The following YOD1 variants were observed in gnomAD, a reference collection of about 807,000 sequenced individuals.
The protein encoded by YOD1 is YOD1 deubiquitinase.
Under a neutral mutation model 23.7 loss-of-function variants are expected in YOD1, and 17 were observed. The observed-to-expected ratio is 0.72, with a 90% CI of 0.49 to 1.07. The LOEUF (loss-of-function observed/expected upper bound fraction) is 1.07. Ranked by LOEUF, YOD1 falls within the 50% of genes least tolerant of loss-of-function variation. The pLI, the probability that YOD1 is intolerant of heterozygous loss-of-function variation, is 0.00. For synonymous variants in YOD1, 191 were observed against 169.6 expected (o/e 1.13, Z -0.98); for missense variants, 413 against 447.2 (o/e 0.92, Z 0.69).
intron 1 of YOD1, among the ~76,000 whole-genome samples, chr1:207,050,338 G>A (rs1338661097): frequency 6.6e-6 from 1 of 152,150 alleles, no homozygotes; most frequent in African/African-American, 2.4e-5. Context: ...TCTCATCGGT[G>A]ATATAGGGAA....
rs1682608264 is a variant in YOD1, at chr1:207,046,757, T to C, written c.*2263A>G. ...AATATCAGTGTTCTATTCCTTTCCATTTGTTAAATTTACCCACTGTAGAAA... is the reference window on the plus strand; with the variant it reads ...AATATCAGTGTTCTATTCCTTTCCACTTGTTAAATTTACCCACTGTAGAAA... On this transcript the variant is annotated 3_prime_UTR_variant, in exon 2 of 2. Coordinates refer to ENST00000315927, the MANE Select transcript of YOD1 (RefSeq NM_018566.4). 6.6e-6 allele frequency: 1 copy of C among 152,126 alleles called. No individual in the cohort carries two copies. The highest frequency in any genetic ancestry group is 2.1e-4 in the South Asian group (1 of 4,834). The allele number at this position is 152,126 out of a possible 1,614,324, so 9.4% of individuals were successfully genotyped here. A position where few individuals can be genotyped will look rare whatever the true frequency, so the allele number is the denominator to read the frequency against.
At position 207,049,391 on chromosome 1, in the gene YOD1, A is replaced by G. The variant is rs141568066; in HGVS notation, c.676T>C (p.Ser226Pro). The G allele has an allele frequency of 1.8e-5, 29 of 1,614,008 alleles. No individual in the cohort carries two copies. The highest frequency in any genetic ancestry group is 6.6e-5 in the South Asian group (6 of 91,090). Reference protein sequence around the residue: ...DDTWGGAIEISILSKFYQCEI... With the variant: ...DDTWGGAIEIPILSKFYQCEI... Reference sequence around the variant, plus strand: ...CATTGGTAAAACTTGGACAAAATCGATATCTCTATTGCTCCTCCCCAAGTG... The same window carrying G: ...CATTGGTAAAACTTGGACAAAATCGGTATCTCTATTGCTCCTCCCCAAGTG... The change falls in exon 2 of 2, where the codon TCG (serine) becomes CCG (proline). Residue 226 changes from serine to proline, a missense_variant. Physicochemically the swap from Ser to Pro is moderately conservative, Grantham distance 74 (BLOSUM62 -1). Transcript: ENST00000315927.
In YOD1 at chr1:207,050,924, G is replaced by A. The variant is rs764493387; in HGVS notation, c.107C>T (p.Ala36Val). ...AAGTKAGPAG[A>V]WPVGSRTDTM... ...GTCGGTCCGGCTGCCCACAGGCCAGGCACCCGCGGGGCCAGCTTTGGTCCC... is the reference window on the plus strand; with the variant it reads ...GTCGGTCCGGCTGCCCACAGGCCAGACACCCGCGGGGCCAGCTTTGGTCCC... The change falls in exon 1 of 2, where the codon GCC (alanine) becomes GTC (valine). Residue 36 changes from alanine (A) to valine (V), a missense_variant. By Grantham distance (64) the Ala-to-Val change is moderately conservative (BLOSUM62 0). Coordinates refer to ENST00000315927, the MANE Select transcript of YOD1 (RefSeq NM_018566.4). 11 of 1,590,572 alleles carry A rather than the reference G, an allele frequency of 6.9e-6. No homozygotes were observed. The highest frequency in any genetic ancestry group is 3.4e-5 in the South Asian group (3 of 89,200).
chr1:207,052,139 C>A (rs772418774), upstream of YOD1: 1 of 1,588,728 alleles, frequency 6.3e-7, no homozygotes, highest in Non-Finnish European at 8.6e-7. Flanking sequence ...CAAACGGGCC[C>A]GCTGGGGCAA....
In YOD1 at chr1:207,044,010, A is replaced by G. The variant is rs1682533848; in HGVS notation, c.*5010T>C. 1 of 152,612 alleles carries G rather than the reference A, an allele frequency of 6.6e-6. No homozygotes were observed. Among genetic ancestry groups the G allele is most frequent in the African/African-American group, 2.4e-5 (1 of 41,464 alleles). The allele number at this position is 152,612 out of a possible 1,614,324, so 9.5% of individuals were successfully genotyped here. ...AGTTAGACATCTTCCAGGTAGCAGC[A>G]GTGTATTACTTCAAAAAATGCTGGC... On this transcript the variant is annotated 3_prime_UTR_variant, in exon 2 of 2. Transcript: ENST00000315927.
Position 207,049,272 on chromosome 1 carries a change from G to A in YOD1, c.795C>T (p.Gly265=), listed in dbSNP as rs115740223. The A allele has an allele frequency of 8.0e-5, 129 of 1,614,114 alleles. No homozygotes were observed. The East Asian group carries it at 2.8e-3, about 35-fold the overall frequency. Reference sequence around the variant, plus strand: ...TACGCTGAAGTGGATCATAGTGGATGCCATCATAAATAAGCAGAACCCTTT... The same window carrying A: ...TACGCTGAAGTGGATCATAGTGGATACCATCATAAATAAGCAGAACCCTTT... ...YTKRVLLIYD[G]IHYDPLQRNF... Residue 265 remains glycine (G), a synonymous_variant, in exon 2 of 2, where the codon GGC becomes GGT. Transcript: ENST00000315927.
chr1:207,044,831 T>G lies in YOD1; in HGVS notation c.*4189A>C, dbSNP rs1423240082. On this transcript the variant is annotated 3_prime_UTR_variant, in exon 2 of 2. Coordinates refer to ENST00000315927, the MANE Select transcript of YOD1 (RefSeq NM_018566.4). Reference sequence around the variant, plus strand: ...TCTTGGCCCTTTTCTCCCTTCACTCTACCATGAGGGGGTTACCAACCTCCT... The same window carrying G: ...TCTTGGCCCTTTTCTCCCTTCACTCGACCATGAGGGGGTTACCAACCTCCT... 1 of 152,522 alleles carries G rather than the reference T, an allele frequency of 6.6e-6. No individual in the cohort carries two copies. Among genetic ancestry groups the G allele is most frequent in the Non-Finnish European group, 1.5e-5 (1 of 67,938 alleles). The allele number at this position is 152,522 out of a possible 1,614,324, so 9.4% of individuals were successfully genotyped here. A position where few individuals can be genotyped will look rare whatever the true frequency, so the allele number is the denominator to read the frequency against.
chr1:207,052,241 C>T, upstream of YOD1: 2 of 1,611,702 alleles, frequency 1.2e-6, no homozygotes, highest in Non-Finnish European at 1.7e-6. Flanking sequence ...TCCATCTTTT[C>T]ACATCTTTCA....
chr1:207,052,090 CA>C (rs1253753101), upstream of YOD1: 25 of 1,025,364 alleles, frequency 2.4e-5, no homozygotes, highest in South Asian at 1.6e-4. Flanking sequence ...GGGATTCAGA[CA>C]GCAAGTCCCA....
In YOD1 at chr1:207,050,848, C is replaced by T; in HGVS notation, c.183G>A (p.Gln61=). The change falls in exon 1 of 2, where the codon CAG becomes CAA. Residue 61 remains glutamine, a synonymous_variant. Coordinates refer to ENST00000315927, the MANE Select transcript of YOD1 (RefSeq NM_018566.4). ...CKAKDGTHVL[Q]GLSSRTRVRE... ...GCACCCGGGTCCGGCTGGACAGCCCCTGCAAAACATGGGTGCCGTCCTTGG... is the reference window on the plus strand; with the variant it reads ...GCACCCGGGTCCGGCTGGACAGCCCTTGCAAAACATGGGTGCCGTCCTTGG... The T allele has an allele frequency of 6.2e-7, 1 of 1,612,920 alleles. No homozygotes were observed. The highest frequency in any genetic ancestry group is 8.5e-7 in the Non-Finnish European group (1 of 1,179,950).
Position 207,048,630 on chromosome 1 carries a change from T to C in YOD1, c.*390A>G, listed in dbSNP as rs1245841031. The C allele has an allele frequency of 5.5e-6, 1 of 181,206 alleles. No individual in the cohort carries two copies. Among genetic ancestry groups the C allele is most frequent in the African/African-American group, 2.4e-5 (1 of 41,322 alleles). The allele number at this position is 181,206 out of a possible 1,614,324, so 11.2% of individuals were successfully genotyped here. On this transcript the variant is annotated 3_prime_UTR_variant, in exon 2 of 2. Coordinates refer to ENST00000315927, the MANE Select transcript of YOD1 (RefSeq NM_018566.4). ...CTGGGTGCTAGTTTATAATACTCAA[T>C]CTCAATCGTATGCCCAGTGGACTCA...
At position 207,051,025 on chromosome 1, in the gene YOD1, A is replaced by G; in HGVS notation, c.6T>C (p.Phe2=). 6.6e-7 allele frequency: 1 copy of G among 1,505,576 alleles called. No homozygotes were observed. The highest frequency in any genetic ancestry group is 8.9e-7 in the Non-Finnish European group (1 of 1,127,580). 93.3% of individuals were successfully genotyped at this position (1,505,576 alleles called of 1,614,324 possible). Reference sequence around the variant, plus strand: ...CAAAATGGCGACCTTTAGCGGGGCCAAACATCGCGAGAAGTTGCGGGTGGT... The same window carrying G: ...CAAAATGGCGACCTTTAGCGGGGCCGAACATCGCGAGAAGTTGCGGGTGGT... M[F]GPAKGRHFGV... Residue 2 remains phenylalanine, a synonymous_variant, in exon 1 of 2, where the codon TTT becomes TTC. Coordinates refer to ENST00000315927, the MANE Select transcript of YOD1 (RefSeq NM_018566.4).
rs1682657674 is a variant in YOD1 at position 207,048,712 on chromosome 1, C to T, written c.*308G>A. ...TGCTTTCTTCTACAAGTTAAAGCTGCTGGGTGCTAGTTTATAATACTCAAT... is the reference window on the plus strand; with the variant it reads ...TGCTTTCTTCTACAAGTTAAAGCTGTTGGGTGCTAGTTTATAATACTCAAT... On this transcript the variant is annotated 3_prime_UTR_variant, in exon 2 of 2. Transcript: ENST00000315927. 3.6e-6 allele frequency: 1 copy of T among 279,088 alleles called. No homozygotes were observed. The highest frequency in any genetic ancestry group is 6.0e-5 in the South Asian group (1 of 16,654). The allele number at this position is 279,088 out of a possible 1,614,324, so 17.3% of individuals were successfully genotyped here. A position where few individuals can be genotyped will look rare whatever the true frequency, so the allele number is the denominator to read the frequency against.
chr1:207,050,419 G>A (rs549790504), intron 1 of YOD1, among the ~76,000 whole-genome samples: 31 of 152,282 alleles, frequency 2.0e-4, no homozygotes, highest in African/African-American at 5.8e-4. Context: ...AAACAAAATG[G>A]GATAGTTTCA....
chr1:207,052,480 G>T (rs890284998), upstream of YOD1, among the ~76,000 whole-genome samples: 1 of 152,122 alleles, frequency 6.6e-6, no homozygotes, highest in Non-Finnish European at 1.5e-5. Context: ...TCATCAATAT[G>T]GAGAAACCCC....
chr1:207,050,675 C>G lies in YOD1; in HGVS notation c.343+13G>C, dbSNP rs760096036. The G allele has an allele frequency of 6.2e-7, 1 of 1,612,778 alleles. No homozygotes were observed. The highest frequency in any genetic ancestry group is 1.3e-5 in the African/African-American group (1 of 74,928). On this transcript the variant is annotated intron_variant, in intron 1 of 1. Coordinates refer to ENST00000315927, the MANE Select transcript of YOD1 (RefSeq NM_018566.4). ...TCCCGGGACTTTCCCTGGCCCCAGCCCTGATTCCTTACCAGATTGGATGGG... is the reference window on the plus strand; with the variant it reads ...TCCCGGGACTTTCCCTGGCCCCAGCGCTGATTCCTTACCAGATTGGATGGG...
chr1:207,047,238 T>C lies in YOD1; in HGVS notation c.*1782A>G, dbSNP rs998983484. Reference sequence around the variant, plus strand: ...AGTAAAATAGAAAACTAAACACTTTTAAGTTATGCTGACCATAACAGCTTA... The same window carrying C: ...AGTAAAATAGAAAACTAAACACTTTCAAGTTATGCTGACCATAACAGCTTA... On this transcript the variant is annotated 3_prime_UTR_variant, in exon 2 of 2. Transcript: ENST00000315927. 3.9e-5 allele frequency: 6 copies of C among 152,556 alleles called. No individual in the cohort carries two copies. Among genetic ancestry groups the C allele is most frequent in the African/African-American group, 1.4e-4 (6 of 41,440 alleles). 9.5% of individuals were successfully genotyped at this position (152,556 alleles called of 1,614,324 possible). A position where few individuals can be genotyped will look rare whatever the true frequency, so the allele number is the denominator to read the frequency against.
rs991738064 is a variant in YOD1, at chr1:207,045,598, A to G, written c.*3422T>C. The G allele has an allele frequency of 4.8e-5, 6 of 125,840 alleles. No individual in the cohort carries two copies. Among genetic ancestry groups the G allele is most frequent in the Admixed American group, 4.5e-4 (6 of 13,272 alleles). The allele number at this position is 125,840 out of a possible 1,614,324, so 7.8% of individuals were successfully genotyped here. A position where few individuals can be genotyped will look rare whatever the true frequency, so the allele number is the denominator to read the frequency against. On this transcript the variant is annotated 3_prime_UTR_variant, in exon 2 of 2. Coordinates refer to ENST00000315927, the MANE Select transcript of YOD1 (RefSeq NM_018566.4). ...GTTTAGGAAGGCCACCTGATTTGTC[A>G]AAAAAAAAAAAAAATCACTCTTGCT...
In YOD1 at chr1:207,049,186, A is replaced by T. The variant is rs1458330793; in HGVS notation, c.881T>A (p.Leu294His). ...TIFSSNDDIVLVQALELADEA... is the reference protein window; with the variant it reads ...TIFSSNDDIVHVQALELADEA... Reference sequence around the variant, plus strand: ...ATCTGCTAATTCCAGTGCTTGTACAAGAACAATATCATCATTAGAGGAGAA... The same window carrying T: ...ATCTGCTAATTCCAGTGCTTGTACATGAACAATATCATCATTAGAGGAGAA... The change falls in exon 2 of 2, where the codon CTT (leucine) becomes CAT (histidine). Residue 294 changes from leucine to histidine, a missense_variant. Transcript: ENST00000315927. 2.5e-6 allele frequency: 4 copies of T among 1,614,148 alleles called. No individual in the cohort carries two copies.
Sources: allele counts gnomAD v4.1 joint callset (sites outside exome capture counted in the v4.1 genomes callset), GRCh38; gene constraint gnomAD v4.1.1; transcripts MANE v1.5; gene names NCBI Gene and HGNC (gene_info 2026-07-23, HGNC 2026-07-21).